The following ANGPTL5 variants were observed in gnomAD, a reference collection of about 807,000 sequenced individuals.
ANGPTL5 encodes angiopoietin-related protein 5.
ANGPTL5 carries 34 observed loss-of-function variants against 39.4 expected under a neutral mutation model. That is an observed-to-expected ratio of 0.86 (90% CI 0.66 to 1.15). The LOEUF (loss-of-function observed/expected upper bound fraction) is 1.15, where lower values mean the gene tolerates loss of function less well. Among genes scored for constraint, ANGPTL5 ranks in the 50% most tolerant of loss-of-function variants. ANGPTL5 has a pLI of 0.00. For missense variants in ANGPTL5, 467 were observed against 457.5 expected, an observed-to-expected ratio of 1.02 and a Z score of -0.19; for synonymous variants, 146 against 152.1, an observed-to-expected ratio of 0.96 and a Z score of 0.29.
intron 3 of ANGPTL5, 36 bp from the exon 4 acceptor site, chr11:101,905,883 A>C (rs748883369): frequency 1.3e-5 from 15 of 1,196,738 alleles, no homozygotes; most frequent in Non-Finnish European, 1.7e-5. Context: ...TAAATATTAT[A>C]TTGTTACAGA....
intron 7 of ANGPTL5, among the ~76,000 whole-genome samples, chr11:101,895,621 A>G (rs531292160): frequency 1.1e-4 from 17 of 152,158 alleles, no homozygotes; most frequent in Non-Finnish European, 2.4e-4. Context: ...TTAATTTCCT[A>G]TGCCCTGAAC....
At chr11:101,896,261 C>T (rs1191325184) in intron 7 of ANGPTL5, among the ~76,000 whole-genome samples, 1 of 151,738 alleles carries the variant, frequency 6.6e-6, no homozygotes, top group East Asian at 1.9e-4. Context: ...CGGCTCACTG[C>T]AACTTCCGCC....
rs1159681864 is a variant in ANGPTL5 at position 101,897,603 on chromosome 11, T to TA, written c.662-2540dup. 2.6e-5 allele frequency among the ~76,000 whole-genome samples: 4 copies of TA among 152,208 alleles called. No individual in the cohort carries two copies. In the East Asian group the frequency reaches 5.8e-4, roughly 22 times the overall value. The stretch of plus-strand genomic sequence containing the variant: ...AGCCAGTTTTCCCAGCACCATTTAT[T>TA]AAAAAGGGAATCCTTTCCCCATTGC... On this transcript the variant is annotated intron_variant, in intron 7 of 8. Transcript: ENST00000334289.
chr11:101,908,990 T>C (rs1940047775), intron 1 of ANGPTL5, among the ~76,000 whole-genome samples: 1 of 152,116 alleles, frequency 6.6e-6, no homozygotes, highest in African/African-American at 2.4e-5. Flanking sequence ...TCTACACACA[T>C]GCCTAAGTCT....
chr11:101,895,381 C>A (rs570258274), intron 7 of ANGPTL5, among the ~76,000 whole-genome samples: 1 of 152,038 alleles, frequency 6.6e-6, no homozygotes, highest in East Asian at 1.9e-4. Context: ...AATTAGTCTT[C>A]ATTTAAAGAA....
rs549248955 is a variant in ANGPTL5, at chr11:101,909,272, G to A, written c.-92-1271C>T. 2.6e-5 allele frequency among the ~76,000 whole-genome samples: 4 copies of A among 152,320 alleles called. No individual in the cohort carries two copies. The South Asian group carries it at 6.2e-4, about 24-fold the overall frequency. The stretch of plus-strand genomic sequence containing the variant: ...TATTTGTGGCAATCACTTTCTCAGA[G>A]TTTCTCCAGTGAGACAGTATGAGAT... On this transcript the variant is annotated intron_variant, in intron 1 of 8. Transcript: ENST00000334289.
chr11:101,913,668 C>T (rs539094303), intron 1 of ANGPTL5, among the ~76,000 whole-genome samples: 2 of 152,280 alleles, frequency 1.3e-5, no homozygotes, highest in South Asian at 4.1e-4. Flanking sequence ...CTAGGACTTA[C>T]GAGATCGCAA....
At chr11:101,906,973 A>T in intron 3 of ANGPTL5, 130 bp downstream of exon 3, 1 of 684,952 alleles carries the variant, frequency 1.5e-6, no homozygotes. Flanking sequence ...CAAACAATAA[A>T]GCTTCTGGCC....
intron 1 of ANGPTL5, among the ~76,000 whole-genome samples, chr11:101,909,944 C>A (rs1230984122): frequency 6.6e-6 from 1 of 152,132 alleles, no homozygotes; most frequent in East Asian, 1.9e-4. Context: ...AAGATAAACA[C>A]CTAGCTGTAG....
chr11:101,891,490 T>G lies in ANGPTL5; in HGVS notation c.956A>C (p.Gln319Pro), dbSNP rs764269593. Residue 319 changes from glutamine to proline, a missense_variant, in exon 9 of 9, where the codon CAG becomes CCG. Gln to Pro is a moderately conservative substitution (Grantham distance 76). Coordinates refer to ENST00000334289, the MANE Select transcript of ANGPTL5 (RefSeq NM_178127.5). ...GCRPACLVNG[Q>P]SVKSCSHLHN... Reference sequence around the variant, plus strand: ...GAGGTGACTGCAGCTCTTCACAGACTGACCATTGACCAGGCATGCAGGGCG... The same window carrying G: ...GAGGTGACTGCAGCTCTTCACAGACGGACCATTGACCAGGCATGCAGGGCG... 3 of 1,614,082 alleles carry G rather than the reference T, an allele frequency of 1.9e-6. No individual in the cohort carries two copies. Among genetic ancestry groups the G allele is most frequent in the Admixed American group, 3.3e-5 (2 of 59,986 alleles).
At chr11:101,900,572 C>T (rs768336720) in intron 6 of ANGPTL5, 22 bp from the exon 7 acceptor site, 2 of 1,604,488 alleles carry the variant, frequency 1.2e-6, no homozygotes, top group South Asian at 2.2e-5. Flanking sequence ...ACAGAGAAGA[C>T]CAAAATAATA....
chr11:101,901,876 T>G (rs1300476347), intron 6 of ANGPTL5, among the ~76,000 whole-genome samples: 1 of 151,942 alleles, frequency 6.6e-6, no homozygotes, highest in African/African-American at 2.4e-5. Context: ...CAATAAGGTA[T>G]AAGTATCATA....
At chr11:101,896,376 T>C (rs1939795728) in intron 7 of ANGPTL5, among the ~76,000 whole-genome samples, 1 of 151,774 alleles carries the variant, frequency 6.6e-6, no homozygotes, top group African/African-American at 2.4e-5. Context: ...TTTTTTATTA[T>C]ACTTAAGTTC....
intron 1 of ANGPTL5, chr11:101,915,281 A>G: frequency 6.2e-7 from 1 of 1,613,502 alleles, no homozygotes; most frequent in Non-Finnish European, 8.5e-7. Flanking sequence ...CGCTGAAGTG[A>G]AGGATGCTGG....
chr11:101,915,284 G>A, intron 1 of ANGPTL5: 1 of 1,613,676 alleles, frequency 6.2e-7, no homozygotes, highest in Non-Finnish European at 8.5e-7. Flanking sequence ...TGAAGTGAAG[G>A]ATGCTGGCGG....
At position 101,906,954 on chromosome 11, in the gene ANGPTL5, A is replaced by C; in HGVS notation, c.241+149T>G. 6.7e-6 allele frequency: 4 copies of C among 599,190 alleles called. No individual in the cohort carries two copies. In the South Asian group the frequency reaches 9.3e-5, roughly 14 times the overall value. 37.1% of individuals were successfully genotyped at this position (599,190 alleles called of 1,614,324 possible). A position where few individuals can be genotyped will look rare whatever the true frequency, so the allele number is the denominator to read the frequency against. On this transcript the variant is annotated intron_variant, in intron 3 of 8. Coordinates refer to ENST00000334289, the MANE Select transcript of ANGPTL5 (RefSeq NM_178127.5). ...TTTACCAAATATTTATTAAGCACCT[A>C]TTATGGGCCAAACAATAAAGCTTCT...
Position 101,916,522 on chromosome 11 carries a change from C to A in ANGPTL5, c.-596G>T, listed in dbSNP as rs1012933571. On this transcript the variant is annotated 5_prime_UTR_variant, in exon 1 of 9. Coordinates refer to ENST00000334289, the MANE Select transcript of ANGPTL5 (RefSeq NM_178127.5). ...AATAGCTGCTTCTAGTTCCTCTCAT[C>A]TATTCATTATTAACCCCATTCAGTT... 6.6e-6 allele frequency: 1 copy of A among 152,256 alleles called. No individual in the cohort carries two copies. Among genetic ancestry groups the A allele is most frequent in the Non-Finnish European group, 1.5e-5 (1 of 68,048 alleles). The allele number at this position is 152,256 out of a possible 1,614,324, so 9.4% of individuals were successfully genotyped here.
intron 1 of ANGPTL5, chr11:101,915,216 G>T (rs2137071726): frequency 6.3e-7 from 1 of 1,598,068 alleles, no homozygotes; most frequent in Non-Finnish European, 8.5e-7. Context: ...CGAGCAGGAG[G>T]AGGAGGAAGC....
At chr11:101,892,446 G>A (rs1033300580) in intron 8 of ANGPTL5, among the ~76,000 whole-genome samples, 2 of 152,054 alleles carry the variant, frequency 1.3e-5, no homozygotes, top group African/African-American at 4.8e-5. Context: ...GGCCAGGTTG[G>A]TCTTGACCTC....
Sources: gnomAD v4.1 joint callset for allele counts (sites outside exome capture counted in the v4.1 genomes callset) on GRCh38, gnomAD v4.1.1 for gene constraint, MANE v1.5 for transcripts, NCBI Gene and HGNC (gene_info 2026-07-23, HGNC 2026-07-21) for gene names.